NFIB: variants seen among roughly 807,000 people sequenced by gnomAD.
NFIB encodes the protein nuclear factor 1 B-type.
A neutral mutation model predicts 61.5 loss-of-function variants in NFIB; 11 were observed. That is an observed-to-expected ratio of 0.18 (90% CI 0.11 to 0.30). The LOEUF (loss-of-function observed/expected upper bound fraction) is 0.30. Among genes scored for constraint, NFIB ranks in the 10% least tolerant of loss-of-function variants. The pLI, the probability that NFIB is intolerant of heterozygous loss-of-function variation, is 1.00. For synonymous variants in NFIB, 260 were observed against 216.5 expected (o/e 1.20, Z -1.76); for missense variants, 471 against 608.9 (o/e 0.77, Z 2.38).
At chr9:14,220,500 G>T (rs932253300) in intron 2 of NFIB, among the ~76,000 whole-genome samples, 1 of 152,020 alleles carries the variant, frequency 6.6e-6, no homozygotes, top group African/African-American at 2.4e-5. Context: ...GCTCCCTTTC[G>T]ACCATACCTA....
At chr9:14,226,827 G>A (rs1483329231) in intron 2 of NFIB, among the ~76,000 whole-genome samples, 1 of 152,022 alleles carries the variant, frequency 6.6e-6, no homozygotes, top group Non-Finnish European at 1.5e-5. Flanking sequence ...TCACATGGGT[G>A]GGGAAGTTGT....
the NFIB span, among the ~76,000 whole-genome samples, chr9:14,435,637 G>A: frequency 6.6e-6 from 1 of 152,198 alleles, no homozygotes; most frequent in Non-Finnish European, 1.5e-5. Context: ...ATTTTCAAAT[G>A]AAAGTTTACA....
Position 14,125,713 on chromosome 9 carries a change from C to G in NFIB, c.979G>C (p.Ala327Pro). Residue 327 changes from alanine (A) to proline (P), a missense_variant, in exon 7 of 11, where the codon GCA becomes CCA. Physicochemically the swap from Ala to Pro is conservative, Grantham distance 27. This residue lies in a region of NFIB where 372 missense variants were observed against 395.6 expected (regional missense o/e 0.94). Transcript: ENST00000380953. ...CTTGGGGAAGAATCCTGTGGAGATG[C>G]AGAGCTGAACAATGGCTTTTCAGGC... Reference protein sequence around the residue: ...KKPEKPLFSSASPQDSSPRLS... With the variant: ...KKPEKPLFSSPSPQDSSPRLS... The G allele has an allele frequency of 6.2e-7, 1 of 1,614,102 alleles. No homozygotes were observed. The highest frequency in any genetic ancestry group is 8.5e-7 in the Non-Finnish European group (1 of 1,179,998).
intron 10 of NFIB, among the ~76,000 whole-genome samples, chr9:14,098,820 C>A (rs778017580): frequency 1.3e-5 from 2 of 152,204 alleles, no homozygotes; most frequent in Non-Finnish European, 2.9e-5. Context: ...CACACACACA[C>A]AGTTCACAAA....
intron 2 of NFIB, among the ~76,000 whole-genome samples, chr9:14,200,526 T>C (rs1464630288): frequency 6.6e-6 from 1 of 152,216 alleles, no homozygotes; most frequent in East Asian, 1.9e-4. Flanking sequence ...AATTACTATT[T>C]TTTTTAAAAC....
At chr9:14,121,190 G>C (rs1208739779) in intron 7 of NFIB, among the ~76,000 whole-genome samples, 3 of 152,218 alleles carry the variant, frequency 2.0e-5, no homozygotes, top group African/African-American at 7.2e-5. Flanking sequence ...CTTGAATCCA[G>C]TAGACGGAGG....
intron 2 of NFIB, among the ~76,000 whole-genome samples, chr9:14,231,135 A>AAAATATATATATAT (rs55959148): frequency 5.7e-5 from 2 of 35,352 alleles, no homozygotes; most frequent in Non-Finnish European, 1.1e-4. Flanking sequence ...AAAAAAAAAA[A>AAAATATATATATAT]ATATATATAT....
chr9:14,201,239 GT>G (rs1303716406), intron 2 of NFIB, among the ~76,000 whole-genome samples: 1 of 152,112 alleles, frequency 6.6e-6, no homozygotes, highest in Non-Finnish European at 1.5e-5. Flanking sequence ...AAACACCTTG[GT>G]GGCTTCCAAT....
the NFIB span, among the ~76,000 whole-genome samples, chr9:14,450,338 C>T: frequency 1.3e-5 from 2 of 152,304 alleles, no homozygotes; most frequent in African/African-American, 2.4e-5. Context: ...CTTACATCAA[C>T]ACAACTTTAC....
chr9:14,189,213 A>C (rs2047677473), intron 2 of NFIB, among the ~76,000 whole-genome samples: 2 of 152,144 alleles, frequency 1.3e-5, no homozygotes, highest in Non-Finnish European at 2.9e-5. Context: ...GTATTTTCCC[A>C]ACACTTAATA....
chr9:14,106,893 G>T (rs922596200), intron 10 of NFIB, among the ~76,000 whole-genome samples: 2 of 152,158 alleles, frequency 1.3e-5, no homozygotes, highest in African/African-American at 4.8e-5. Context: ...CAGTTCCTAC[G>T]ATGACAACAA....
At chr9:14,428,852 A>T in the NFIB span, among the ~76,000 whole-genome samples, 1 of 152,180 alleles carries the variant, frequency 6.6e-6, no homozygotes. Flanking sequence ...GTCTGGTAAG[A>T]TTAGGATACT....
intron 1 of NFIB, among the ~76,000 whole-genome samples, chr9:14,334,716 A>T (rs2060864632): frequency 6.6e-6 from 1 of 152,200 alleles, no homozygotes; most frequent in Non-Finnish European, 1.5e-5. Context: ...TAAACTGCAC[A>T]TGTTTAAAGC....
At chr9:14,103,100 T>G (rs1433263303) in intron 10 of NFIB, among the ~76,000 whole-genome samples, 3 of 152,192 alleles carry the variant, frequency 2.0e-5, no homozygotes, top group Admixed American at 2.0e-4. Context: ...CTAGTTTTAT[T>G]TTAAACTCAG....
chr9:14,340,255 C>A (rs1301963624), intron 1 of NFIB, among the ~76,000 whole-genome samples: 1 of 152,160 alleles, frequency 6.6e-6, no homozygotes, highest in Non-Finnish European at 1.5e-5. Context: ...TTTGTGTCTT[C>A]AGCAAACTGT....
At chr9:14,167,095 G>GGGT (rs2044924463) in intron 3 of NFIB, among the ~76,000 whole-genome samples, 1 of 135,522 alleles carries the variant, frequency 7.4e-6, no homozygotes, top group Non-Finnish European at 1.6e-5. Flanking sequence ...GGGGGGGGGG[G>GGGT]TTCCCCTTTT....
At chr9:14,402,217 A>C (rs1161989214), upstream of NFIB, among the ~76,000 whole-genome samples, 1 of 152,202 alleles carries the variant, frequency 6.6e-6, no homozygotes, top group African/African-American at 2.4e-5. Flanking sequence ...TGATCCAGCA[A>C]AGCTGAATTA....
At chr9:14,514,399 G>C in the NFIB span, among the ~76,000 whole-genome samples, 1 of 151,672 alleles carries the variant, frequency 6.6e-6, no homozygotes, top group East Asian at 1.9e-4. Flanking sequence ...TTTCCAAAAA[G>C]TAGTTTACTG....
chr9:14,209,721 G>C (rs556038008), intron 2 of NFIB, among the ~76,000 whole-genome samples: 2 of 152,200 alleles, frequency 1.3e-5, no homozygotes, highest in Non-Finnish European at 2.9e-5. Context: ...GCACTGAAAA[G>C]CTAATTTACT....
Sources: gnomAD v4.1 joint callset for allele counts (sites outside exome capture counted in the v4.1 genomes callset) on GRCh38, gnomAD v4.1.1 for gene constraint, gnomAD v4.1.1 regional missense constraint, MANE v1.5 for transcripts, NCBI Gene and HGNC (gene_info 2026-07-23, HGNC 2026-07-21) for gene names.